Variants in PRH1 observed in about 807,000 individuals in gnomAD.
PRH1 encodes salivary acidic proline-rich phosphoprotein 1/2.
In PRH1, 7 loss-of-function variants were observed where a neutral mutation model predicts 7.9. That is an observed-to-expected ratio of 0.89 (90% confidence interval 0.50 to 1.67). PRH1 has a LOEUF of 1.67. PRH1 is among the 40% of genes most tolerant of loss of function. The probability of loss-of-function intolerance (pLI) is 0.00; values close to 1 mark genes in which losing one functional copy is unlikely to be tolerated. For missense variants in PRH1, 109 were observed against 223.6 expected (o/e 0.49, Z 3.27); for synonymous variants, 45 against 80.8 (o/e 0.56, Z 2.38).
intron 2 of PRH1, among the ~76,000 whole-genome samples, chr12:10,954,792 C>T (rs984047881): frequency 1.5e-4 from 23 of 152,056 alleles, no homozygotes; most frequent in African/African-American, 5.6e-4. Context: ...AATCTACTTT[C>T]ATACAAAACT....
At chr12:11,080,901 C>A (rs1210269938) in intron 1 of PRH1, among the ~76,000 whole-genome samples, 1 of 110,646 alleles carries the variant, frequency 9.0e-6, no homozygotes, top group Non-Finnish European at 2.2e-5. Flanking sequence ...GAATGCAGTT[C>A]TTTTCAACAT....
At chr12:10,928,745 A>C (rs1183298887) in intron 2 of PRH1, among the ~76,000 whole-genome samples, 1 of 152,180 alleles carries the variant, frequency 6.6e-6, no homozygotes, top group Non-Finnish European at 1.5e-5. Context: ...TACATGAAAA[A>C]TTTAGCTAAA....
At chr12:11,108,097 G>A (rs530087874) in intron 1 of PRH1, among the ~76,000 whole-genome samples, 32 of 152,258 alleles carry the variant, frequency 2.1e-4, no homozygotes, top group African/African-American at 7.5e-4. Context: ...TCCTTCAAAC[G>A]TGAAAGAGAA....
At chr12:10,989,146 C>A (rs1422102959) in intron 1 of PRH1, among the ~76,000 whole-genome samples, 1 of 151,930 alleles carries the variant, frequency 6.6e-6, no homozygotes, top group Admixed American at 6.6e-5. Context: ...GTATGCAACC[C>A]TAAACTCTAT....
intron 2 of PRH1, among the ~76,000 whole-genome samples, chr12:10,907,249 C>T (rs777600565): frequency 3.8e-4 from 58 of 152,070 alleles, no homozygotes; most frequent in Non-Finnish European, 5.9e-5. Flanking sequence ...TAGGTATTTA[C>T]TCAAGAGTGA....
intron 2 of PRH1, among the ~76,000 whole-genome samples, chr12:10,945,454 T>C (rs1308048004): frequency 6.6e-6 from 1 of 152,088 alleles, no homozygotes; most frequent in African/African-American, 2.4e-5. Flanking sequence ...CCCTAAGCCA[T>C]AAAACCAGCA....
chr12:11,153,594 T>C (rs1947167310), intron 1 of PRH1, among the ~76,000 whole-genome samples: 1 of 152,186 alleles, frequency 6.6e-6, no homozygotes, highest in East Asian at 1.9e-4. Flanking sequence ...TTCCTTCCCT[T>C]GCCTTAAAAA....
chr12:10,930,438 T>C (rs1950188801), intron 2 of PRH1: 1 of 1,464,218 alleles, frequency 6.8e-7, no homozygotes, highest in Non-Finnish European at 9.4e-7. Context: ...AACAGTTTTC[T>C]CCCAACCTTG....
intron 2 of PRH1, among the ~76,000 whole-genome samples, chr12:10,896,356 A>G (rs541671729): frequency 6.6e-6 from 1 of 152,344 alleles, no homozygotes; most frequent in African/African-American, 2.4e-5. Flanking sequence ...GTTTATGATC[A>G]GCATATTTCT....
At position 10,957,422 on chromosome 12, in the gene PRH1, T is replaced by C. The variant is rs57579804; in HGVS notation, c.-59+16233A>G. On this transcript the variant is annotated intron_variant, in intron 2 of 3. Coordinates refer to the PRH1 transcript ENST00000539853. ...TACACAAAACTCAATGCAAGCTGGG[T>C]TAAATAATAAAATGTAAAACCTAAA... Among the ~76,000 whole-genome samples the C allele has an allele frequency of 2.6e-3, 399 of 152,138 alleles. 7 individuals carry two copies. The South Asian group carries it at 0.058, about 22-fold the overall frequency.
intron 1 of PRH1, among the ~76,000 whole-genome samples, chr12:11,154,226 A>G (rs1947187347): frequency 6.6e-6 from 1 of 152,218 alleles, no homozygotes; most frequent in Non-Finnish European, 1.5e-5. Context: ...CATCAGTAGC[A>G]TATACTCCAA....
At chr12:10,912,540 T>A (rs1949915107) in intron 2 of PRH1, among the ~76,000 whole-genome samples, 1 of 152,088 alleles carries the variant, frequency 6.6e-6, no homozygotes, top group African/African-American at 2.4e-5. Flanking sequence ...TTGGTCGATC[T>A]TTTCAGATGT....
rs529466071 is a variant in PRH1 at position 10,891,922 on chromosome 12, A to G, written c.-58-7647T>C. 2.6e-5 allele frequency: 4 copies of G among 152,320 alleles called. No individual in the cohort carries two copies. The East Asian group carries it at 7.7e-4, about 29-fold the overall frequency. 9.4% of individuals were successfully genotyped at this position (152,320 alleles called of 1,614,324 possible). On this transcript the variant is annotated intron_variant, in intron 2 of 3. Coordinates refer to the PRH1 transcript ENST00000539853. The stretch of plus-strand genomic sequence containing the variant: ...GCTTTACACTGGAATGTAAGCAAAT[A>G]TCTCTGGAGAGAAGAAGAAGAAGAG...
At chr12:10,940,819 A>C (rs980575348) in intron 2 of PRH1, among the ~76,000 whole-genome samples, 1 of 152,240 alleles carries the variant, frequency 6.6e-6, no homozygotes, top group African/African-American at 2.4e-5. Context: ...TAAACGTCAA[A>C]GATGGCAGAG....
intron 2 of PRH1, among the ~76,000 whole-genome samples, chr12:10,919,571 T>C (rs1415871604): frequency 1.3e-5 from 2 of 152,218 alleles, no homozygotes; most frequent in Non-Finnish European, 2.9e-5. Context: ...TCTAAAGTGA[T>C]AGTACATCTA....
At chr12:10,912,591 T>C (rs1949916165) in intron 2 of PRH1, among the ~76,000 whole-genome samples, 1 of 152,108 alleles carries the variant, frequency 6.6e-6, no homozygotes, top group Non-Finnish European at 1.5e-5. Flanking sequence ...TGTTATTTAA[T>C]TATTTTTACT....
chr12:11,064,842 G>A (rs1454717184), intron 1 of PRH1, among the ~76,000 whole-genome samples: 1 of 151,880 alleles, frequency 6.6e-6, no homozygotes, highest in Non-Finnish European at 1.5e-5. Flanking sequence ...GCTGAGTCAG[G>A]AACACCCAGG....
intron 1 of PRH1, among the ~76,000 whole-genome samples, chr12:10,988,623 T>C (rs1329438091): frequency 6.6e-6 from 1 of 152,002 alleles, no homozygotes; most frequent in Non-Finnish European, 1.5e-5. Flanking sequence ...CACTTAGAAA[T>C]GGGTGAAAAC....
chr12:11,033,839 C>G (rs972344088), intron 1 of PRH1, among the ~76,000 whole-genome samples: 2 of 152,002 alleles, frequency 1.3e-5, no homozygotes, highest in Admixed American at 6.5e-5. Flanking sequence ...ATAATGCGCA[C>G]TTAGAAATGA....
Sources: allele counts gnomAD v4.1 joint callset (sites outside exome capture counted in the v4.1 genomes callset), GRCh38; gene constraint gnomAD v4.1.1; transcripts MANE v1.5; gene names NCBI Gene and HGNC (gene_info 2026-07-23, HGNC 2026-07-21).